PUDP: variants seen among roughly 807,000 people sequenced by gnomAD.
PUDP encodes pseudouridine 5'-phosphatase.
A neutral mutation model predicts 9.4 loss-of-function variants in PUDP; 8 were observed. The ratio of observed to expected loss-of-function variants is 0.85; its 90% CI spans 0.50 to 1.53. The LOEUF (loss-of-function observed/expected upper bound fraction) is 1.53, where lower values mean the gene tolerates loss of function less well. PUDP is among the 40% of genes most tolerant of loss of function. PUDP has a pLI of 0.00. For missense variants in PUDP, 188 were observed against 189.7 expected, an observed-to-expected ratio of 0.99 and a Z score of 0.05; for synonymous variants, 99 against 80.7, an observed-to-expected ratio of 1.23 and a Z score of -1.22.
intron 1 of PUDP, among the ~76,000 whole-genome samples, chrX:7,110,099 C>A (rs1486385038): frequency 1.8e-5 from 2 of 111,887 alleles, no homozygotes; most frequent in African/African-American, 6.5e-5. Flanking sequence ...CTACAGGGTG[C>A]CCCAGGCTGG....
intron 3 of PUDP, among the ~76,000 whole-genome samples, chrX:6,831,869 A>G (rs1174272539): frequency 8.9e-6 from 1 of 111,933 alleles, no homozygotes; most frequent in African/African-American, 3.2e-5. Flanking sequence ...ACATAATCAT[A>G]TGGCAAAAGA....
intron 3 of PUDP, among the ~76,000 whole-genome samples, chrX:7,060,317 G>A (rs1176873116): frequency 8.9e-6 from 1 of 112,311 alleles, no homozygotes; most frequent in Non-Finnish European, 1.9e-5. Context: ...TGCAGTACCA[G>A]GTGAGGCTTA....
At chrX:7,127,275 C>A (rs1254355411) in intron 1 of PUDP, among the ~76,000 whole-genome samples, 2 of 112,144 alleles carry the variant, frequency 1.8e-5, no homozygotes, top group African/African-American at 6.5e-5. Context: ...AAGAGACCGC[C>A]TTTTCTTTGA....
At chrX:6,989,726 T>G (rs756742043) in intron 1 of PUDP, 2 of 113,815 alleles carry the variant, frequency 1.8e-5, no homozygotes, top group Non-Finnish European at 3.7e-5. Context: ...GCCAGCCACT[T>G]TGACAGGCAT....
At chrX:6,945,478 C>T (rs775032267) in intron 3 of PUDP, among the ~76,000 whole-genome samples, 68 of 111,422 alleles carry the variant, frequency 6.1e-4, no homozygotes, top group Middle Eastern at 4.2e-3. Context: ...TAAACTATAG[C>T]TACTTGGAAA....
At chrX:7,131,005 G>C (rs989158344) in intron 1 of PUDP, among the ~76,000 whole-genome samples, 1 of 112,344 alleles carries the variant, frequency 8.9e-6, no homozygotes, top group Non-Finnish European at 1.9e-5. Context: ...ACGGCACCAA[G>C]AGTTTTGTTT....
At chrX:6,865,197 T>C (rs942305182) in intron 3 of PUDP, among the ~76,000 whole-genome samples, 3 of 111,894 alleles carry the variant, frequency 2.7e-5, no homozygotes, top group African/African-American at 9.7e-5. Context: ...TCAGGGTTAT[T>C]ATAGTTAGGG....
intron 3 of PUDP, among the ~76,000 whole-genome samples, chrX:6,811,050 A>C (rs928614418): frequency 6.3e-5 from 7 of 111,869 alleles, no homozygotes; most frequent in African/African-American, 2.3e-4. Context: ...TTTGTCCTGA[A>C]GCATAGCCCA....
downstream of PUDP, among the ~76,000 whole-genome samples, chrX:7,044,085 T>C (rs1929955429): frequency 8.9e-6 from 1 of 112,213 alleles, no homozygotes; most frequent in Non-Finnish European, 1.9e-5. Context: ...GCACATCACA[T>C]AGGCATGAAA....
In PUDP at chrX:6,887,293, T is replaced by C. The variant is rs769659862; in HGVS notation, c.*247+89840A>G. Among the ~76,000 whole-genome samples the C allele has an allele frequency of 7.4e-5, 8 of 108,707 alleles. No individual in the cohort carries two copies. In the South Asian group the frequency reaches 2.7e-3, roughly 36 times the overall value. 94.4% of individuals were successfully genotyped at this position (108,707 alleles called of 115,157 possible). A position where few individuals can be genotyped will look rare whatever the true frequency, so the allele number is the denominator to read the frequency against. The stretch of plus-strand genomic sequence containing the variant: ...ATATGTACATTTCCAAATGTGCTCT[T>C]AGCTCTTGTTAGTATAGGTTTTAAA... On this transcript the variant is annotated intron_variant and NMD_transcript_variant, in intron 3 of 3. Transcript: ENST00000655425.
intron 1 of PUDP, among the ~76,000 whole-genome samples, chrX:7,135,507 C>A (rs1226564998): frequency 8.9e-6 from 1 of 111,999 alleles, no homozygotes; most frequent in African/African-American, 3.2e-5. Context: ...GGAAATGGGA[C>A]TCTTCCTTCA....
intron 1 of PUDP, among the ~76,000 whole-genome samples, chrX:7,012,344 A>G (rs1929488776): frequency 8.9e-6 from 1 of 112,277 alleles, no homozygotes; most frequent in Admixed American, 9.4e-5. Flanking sequence ...TTATCTTTGG[A>G]AACTAACAAG....
At chrX:7,092,816 T>C (rs1372922590) in intron 2 of PUDP, among the ~76,000 whole-genome samples, 1 of 111,663 alleles carries the variant, frequency 9.0e-6, no homozygotes, top group Admixed American at 9.5e-5. Context: ...TAAGAGTGTA[T>C]GATTCTGTTG....
chrX:6,752,525 A>G (rs1161660077), intron 3 of PUDP, among the ~76,000 whole-genome samples: 1 of 112,064 alleles, frequency 8.9e-6, no homozygotes, highest in Non-Finnish European at 1.9e-5. Flanking sequence ...GAAACTGTAG[A>G]GACAGGATAA....
intron 3 of PUDP, among the ~76,000 whole-genome samples, chrX:6,925,616 C>T (rs952487665): frequency 3.6e-5 from 4 of 112,087 alleles, no homozygotes; most frequent in Non-Finnish European, 5.6e-5. Context: ...CAAGTGGTCC[C>T]GAGGCAGTCG....
At chrX:6,993,855 G>GT (rs1929217442) in intron 1 of PUDP, among the ~76,000 whole-genome samples, 1 of 111,813 alleles carries the variant, frequency 8.9e-6, no homozygotes, top group Non-Finnish European at 1.9e-5. Flanking sequence ...ATGTGCTAGA[G>GT]GAATCAATCT....
chrX:6,763,787 C>G (rs1474700508), intron 3 of PUDP, among the ~76,000 whole-genome samples: 2 of 111,635 alleles, frequency 1.8e-5, no homozygotes, highest in East Asian at 2.8e-4. Flanking sequence ...GGTCATGGAC[C>G]TTTTTATACC....
chrX:7,045,677 G>A (rs1179662342), downstream of PUDP, among the ~76,000 whole-genome samples: 1 of 111,480 alleles, frequency 9.0e-6, no homozygotes, highest in Admixed American at 9.6e-5. Flanking sequence ...ATGACTGAGA[G>A]GTTTAGCCAT....
chrX:7,088,039 C>A (rs1931315984), intron 2 of PUDP, among the ~76,000 whole-genome samples: 1 of 111,737 alleles, frequency 8.9e-6, no homozygotes, highest in South Asian at 3.8e-4. Context: ...AATGGAAAGC[C>A]AGGGAGGGCA....
Sources: allele counts gnomAD v4.1 joint callset (sites outside exome capture counted in the v4.1 genomes callset), GRCh38; gene constraint gnomAD v4.1.1; transcripts MANE v1.5; gene names NCBI Gene and HGNC (gene_info 2026-07-23, HGNC 2026-07-21).